NAT2: variants seen among roughly 807,000 people sequenced by gnomAD.
NAT2 encodes the protein arylamine N-acetyltransferase 2.
For synonymous variants in NAT2, 137 were observed against 125.9 expected, an observed-to-expected ratio of 1.09 and a Z score of -0.59; for missense variants, 428 against 339.1, an observed-to-expected ratio of 1.26 and a Z score of -2.06.
chr8:18,396,713 A>G (rs1800698977), intron 1 of NAT2, among the ~76,000 whole-genome samples: 1 of 152,220 alleles, frequency 6.6e-6, no homozygotes, highest in Non-Finnish European at 1.5e-5. Flanking sequence ...TTAAATAAAT[A>G]AGACTAGCTT....
At chr8:18,396,586 G>A (rs1800696209) in intron 1 of NAT2, among the ~76,000 whole-genome samples, 1 of 152,056 alleles carries the variant, frequency 6.6e-6, no homozygotes, top group South Asian at 2.1e-4. Flanking sequence ...AGTAGAGACG[G>A]GGTTTCACCA....
chr8:18,397,228 AAAAT>A (rs1800708033), intron 1 of NAT2, among the ~76,000 whole-genome samples: 1 of 152,144 alleles, frequency 6.6e-6, no homozygotes, highest in Non-Finnish European at 1.5e-5. Context: ...ATGAAAAAAG[AAAAT>A]AATATAAGAC....
At chr8:18,395,245 T>C (rs1390358) in intron 1 of NAT2, among the ~76,000 whole-genome samples, 52,362 of 151,910 alleles carry the variant, frequency 0.34, 9,720 homozygotes, top group Middle Eastern at 0.44. Context: ...TAGAGTCCTA[T>C]AGCTAATTGC....
At chr8:18,396,239 T>C (rs1214977480) in intron 1 of NAT2, among the ~76,000 whole-genome samples, 2 of 151,986 alleles carry the variant, frequency 1.3e-5, no homozygotes, top group African/African-American at 4.8e-5. Context: ...GGGCCTAGAT[T>C]CTGGCCCTGA....
upstream of NAT2, among the ~76,000 whole-genome samples, chr8:18,389,047 C>G (rs1249249077): frequency 1.3e-5 from 2 of 152,194 alleles, no homozygotes; most frequent in South Asian, 2.1e-4. Context: ...CTTACTCTCC[C>G]TTAGTCACAA....
Position 18,400,178 on chromosome 8 carries a change from A to T in NAT2, c.175A>T (p.Ile59Phe), listed in dbSNP as rs374728016. ...ELGLEAIFDH[I>F]VRRNRGGWCL... ...GGGCTTAGAGGCTATTTTTGATCAC[A>T]TTGTAAGAAGAAACCGGGGTGGGTG... Residue 59 changes from isoleucine to phenylalanine, a missense_variant, in exon 2 of 2, where the codon ATT becomes TTT. Coordinates refer to ENST00000286479, the MANE Select transcript of NAT2 (RefSeq NM_000015.3). The T allele has an allele frequency of 6.2e-7, 1 of 1,613,812 alleles. No individual in the cohort carries two copies. Among genetic ancestry groups the T allele is most frequent in the Non-Finnish European group, 8.5e-7 (1 of 1,179,830 alleles).
intron 1 of NAT2, among the ~76,000 whole-genome samples, chr8:18,397,322 G>T (rs890040340): frequency 2.6e-5 from 4 of 151,998 alleles, no homozygotes; most frequent in African/African-American, 9.7e-5. Flanking sequence ...AAGTAAAAAG[G>T]AACCAGTAAA....
chr8:18,399,846 C>T (rs947623324), intron 1 of NAT2, among the ~76,000 whole-genome samples, 152 bp from the exon 2 acceptor site: 1 of 152,170 alleles, frequency 6.6e-6, no homozygotes, highest in African/African-American at 2.4e-5. Context: ...GGGATTCATG[C>T]AGTAGAAATA....
chr8:18,397,387 A>G (rs1333506685), intron 1 of NAT2, among the ~76,000 whole-genome samples: 1 of 152,142 alleles, frequency 6.6e-6, no homozygotes, highest in East Asian at 1.9e-4. Flanking sequence ...TTGTGATAAG[A>G]GAGATTAAAA....
upstream of NAT2, among the ~76,000 whole-genome samples, chr8:18,388,760 C>T (rs920035591): frequency 1.3e-5 from 2 of 152,220 alleles, no homozygotes; most frequent in Non-Finnish European, 2.9e-5. Flanking sequence ...GTATAAGTCA[C>T]AGTGAAGAAG....
chr8:18,395,052 TAAAA>T (rs1800660852), intron 1 of NAT2, among the ~76,000 whole-genome samples: 1 of 152,194 alleles, frequency 6.6e-6, no homozygotes, highest in African/African-American at 2.4e-5. Context: ...ACAAAACCCA[TAAAA>T]AGATTATTTC....
At position 18,398,120 on chromosome 8, in the gene NAT2, C is replaced by G. The variant is rs142465736; in HGVS notation, c.-6-1878C>G. ...ATGCTGGAGTCTTCAGAATAAAGAC[C>G]CCAACACACAGGGGAAATTGTCCTT... is the stretch of plus-strand genomic sequence containing the variant. On this transcript the variant is annotated intron_variant, in intron 1 of 1. Coordinates refer to ENST00000286479, the MANE Select transcript of NAT2 (RefSeq NM_000015.3). Among the ~76,000 whole-genome samples the G allele has an allele frequency of 2.6e-3, 390 of 152,182 alleles. 1 individual carries two copies. Among genetic ancestry groups the G allele is most frequent in the Non-Finnish European group, 4.5e-3 (309 of 68,004 alleles).
In NAT2 at chr8:18,400,844, C is replaced by A. The variant is rs1363900196; in HGVS notation, c.841C>A (p.Pro281Thr). The A allele has an allele frequency of 6.2e-7, 1 of 1,604,420 alleles. No individual in the cohort carries two copies. The highest frequency in any genetic ancestry group is 8.5e-7 in the Non-Finnish European group (1 of 1,176,812). ...GATTTCCTTGGGGAGAAATCTCGTG[C>A]CCAAACCTGGTGATGGATCCCTTAC... ...FKISLGRNLV[P>T]KPGDGSLTI Residue 281 changes from proline (P) to threonine (T), a missense_variant, in exon 2 of 2, where the codon CCC becomes ACC. Physicochemically the swap from Pro to Thr is conservative, Grantham distance 38. Coordinates refer to ENST00000286479, the MANE Select transcript of NAT2 (RefSeq NM_000015.3).
At chr8:18,386,657 T>C (rs551630347), upstream of NAT2, among the ~76,000 whole-genome samples, 3 of 152,164 alleles carry the variant, frequency 2.0e-5, no homozygotes, top group Non-Finnish European at 4.4e-5. Flanking sequence ...TCCTGTCCTA[T>C]GGCCCCTGTG....
At chr8:18,398,526 A>C (rs1276562706) in intron 1 of NAT2, among the ~76,000 whole-genome samples, 1 of 152,210 alleles carries the variant, frequency 6.6e-6, no homozygotes, top group Non-Finnish European at 1.5e-5. Context: ...GGCCAGGAGA[A>C]GGCCAAAGAA....
chr8:18,399,016 G>A (rs545125376), intron 1 of NAT2, among the ~76,000 whole-genome samples: 8 of 152,220 alleles, frequency 5.3e-5, no homozygotes, highest in Non-Finnish European at 7.4e-5. Flanking sequence ...TTCTCATCTC[G>A]TTTAGAATAG....
At chr8:18,389,662 G>T (rs953641825), upstream of NAT2, among the ~76,000 whole-genome samples, 3 of 152,162 alleles carry the variant, frequency 2.0e-5, no homozygotes, top group South Asian at 6.2e-4. Flanking sequence ...AAAAGAAAAA[G>T]TACATCTATG....
upstream of NAT2, among the ~76,000 whole-genome samples, chr8:18,388,435 G>A (rs1030265006): frequency 1.5e-5 from 2 of 133,174 alleles, no homozygotes; most frequent in Non-Finnish European, 3.1e-5. Context: ...AGATGGGAGG[G>A]ATTATCCCAA....
rs752047953 is a variant in NAT2, at chr8:18,400,106, G to T, written c.103G>T (p.Val35Phe). 6.2e-6 allele frequency: 10 copies of T among 1,613,950 alleles called. No individual in the cohort carries two copies. In the African/African-American group the frequency reaches 1.2e-4, roughly 19 times the overall value. The stretch of plus-strand genomic sequence containing the variant: ...CATTCTTGAGCACCAGATCCGGGCT[G>T]TTCCCTTTGAGAACCTTAACATGCA... The part of the protein sequence containing the change: ...TDILEHQIRA[V>F]PFENLNMHCG... The change falls in exon 2 of 2, where the codon GTT becomes TTT. Residue 35 changes from valine (V) to phenylalanine (F), a missense_variant. Coordinates refer to ENST00000286479, the MANE Select transcript of NAT2 (RefSeq NM_000015.3).
Sources: gnomAD v4.1 joint callset for allele counts (sites outside exome capture counted in the v4.1 genomes callset) on GRCh38, gnomAD v4.1.1 for gene constraint, MANE v1.5 for transcripts, NCBI Gene and HGNC (gene_info 2026-07-23, HGNC 2026-07-21) for gene names.